The following WDR17 variants were observed in gnomAD, a reference collection of about 807,000 sequenced individuals.
The protein encoded by WDR17 is WD repeat domain 17, also known as WD repeat-containing protein 17.
WDR17 carries 143 observed loss-of-function variants against 161.7 expected under a neutral mutation model. The observed-to-expected ratio is 0.88, with a 90% CI of 0.77 to 1.02. WDR17 has a LOEUF of 1.02. WDR17 is among the 50% of genes least tolerant of loss of function. WDR17 has a pLI of 0.00. For synonymous variants in WDR17, 517 were observed against 515.6 expected (o/e 1.00, Z -0.04); for missense variants, 1,469 against 1,520.9 (o/e 0.97, Z 0.57).
rs536517604 is a variant in WDR17, at chr4:176,078,905, T to A, written c.-7+12826T>A. Among the ~76,000 whole-genome samples, 272 of 152,226 alleles carry A rather than the reference T, an allele frequency of 1.8e-3. 1 individual carries two copies. The highest frequency in any genetic ancestry group is 6.4e-3 in the African/African-American group (265 of 41,576). On this transcript the variant is annotated intron_variant, in intron 1 of 28. Coordinates refer to ENST00000508596, the MANE Select transcript of WDR17 (RefSeq NM_181265.4). ...CATTCAAAGTCCTCTCTCTGGCTAT[T>A]TGAAAATATATAATAAATTATCGTT...
rs1454335011 is a variant in WDR17 at position 176,162,061 on chromosome 4, T to G, written c.2751-14T>G. On this transcript the variant is annotated splice_polypyrimidine_tract_variant and intron_variant, in intron 20 of 28. Coordinates refer to ENST00000508596, the MANE Select transcript of WDR17 (RefSeq NM_181265.4). ...ACTTGTGTTTATATAGAATACACAT[T>G]TTTTTCTTTCTAGACTCCTGCACAA... The G allele has an allele frequency of 6.2e-7, 1 of 1,601,478 alleles. No individual in the cohort carries two copies. The highest frequency in any genetic ancestry group is 8.5e-7 in the Non-Finnish European group (1 of 1,175,166).
Position 176,181,543 on chromosome 4 carries a change from A to G in WDR17, c.*1964A>G, listed in dbSNP as rs1457434411. ...AACTCAGAGATGCAATGGATAATATAAAAAGAGTACCTGAGATGTATTTTT... is the reference window on the plus strand; with the variant it reads ...AACTCAGAGATGCAATGGATAATATGAAAAGAGTACCTGAGATGTATTTTT... On this transcript the variant is annotated 3_prime_UTR_variant, in exon 29 of 29. Coordinates refer to ENST00000508596, the MANE Select transcript of WDR17 (RefSeq NM_181265.4). 9.3e-6 allele frequency: 2 copies of G among 215,568 alleles called. No individual in the cohort carries two copies. The highest frequency in any genetic ancestry group is 5.8e-5 in the Admixed American group (1 of 17,390). The allele number at this position is 215,568 out of a possible 1,614,324, so 13.4% of individuals were successfully genotyped here. A position where few individuals can be genotyped will look rare whatever the true frequency, so the allele number is the denominator to read the frequency against.
At chr4:176,173,535 G>C (rs1328366996) in intron 25 of WDR17, among the ~76,000 whole-genome samples, 166 bp downstream of exon 25, 1 of 151,922 alleles carries the variant, frequency 6.6e-6, no homozygotes, top group African/African-American at 2.4e-5. Flanking sequence ...TCTTTGTTTT[G>C]AGATGAGGTC....
intron 2 of WDR17, 81 bp from the exon 3 acceptor site, chr4:176,115,715 A>G: frequency 9.1e-7 from 1 of 1,098,006 alleles, no homozygotes; most frequent in Non-Finnish European, 1.2e-6. Flanking sequence ...ATGTAGCTTT[A>G]GTTTTGTGTA....
In WDR17 at chr4:176,160,906, T is replaced by C; in HGVS notation, c.2659-5T>C. The C allele has an allele frequency of 6.3e-7, 1 of 1,587,328 alleles. No individual in the cohort carries two copies. Among genetic ancestry groups the C allele is most frequent in the Non-Finnish European group, 8.6e-7 (1 of 1,168,160 alleles). On this transcript the variant is annotated splice_region_variant and splice_polypyrimidine_tract_variant and intron_variant, in intron 19 of 28. Transcript: ENST00000508596. ...AGAATAATTCAACATTTAATTAAATTCTAGGCTGCTTGTGAAGGAAATATG... is the reference window on the plus strand; with the variant it reads ...AGAATAATTCAACATTTAATTAAATCCTAGGCTGCTTGTGAAGGAAATATG...
Position 176,119,849 on chromosome 4 carries a change from G to A in WDR17, c.308-18G>A, listed in dbSNP as rs201198003. On this transcript the variant is annotated intron_variant, in intron 3 of 28. Transcript: ENST00000508596. ...TATGCTGTATCTTTATTATGTATCT[G>A]TATTTAATGTATTCCAGGGATCCCT... 9.2e-5 allele frequency: 147 copies of A among 1,600,486 alleles called. No individual in the cohort carries two copies. The East Asian group carries it at 1.4e-3, about 15-fold the overall frequency.
At chr4:176,179,412 T>C in intron 28 of WDR17, 48 bp from the exon 29 acceptor site, 8 of 1,402,890 alleles carry the variant, frequency 5.7e-6, no homozygotes, top group South Asian at 1.9e-5. Flanking sequence ...AAAAATACTT[T>C]GCAAATTTAT....
chr4:176,158,064 G>A (rs72706350), intron 18 of WDR17, among the ~76,000 whole-genome samples: 38 of 152,308 alleles, frequency 2.5e-4, no homozygotes, highest in Non-Finnish European at 4.0e-4. Flanking sequence ...CCTTGTAAAC[G>A]TAGTAAGCTT....
intron 12 of WDR17, 131 bp from the exon 13 acceptor site, chr4:176,148,002 C>A: frequency 3.4e-6 from 2 of 588,910 alleles, no homozygotes; most frequent in Non-Finnish European, 5.5e-6. Flanking sequence ...ATGAAGAGAA[C>A]CTTATATCTT....
intron 1 of WDR17, among the ~76,000 whole-genome samples, chr4:176,086,049 C>G (rs1735376994): frequency 6.6e-6 from 1 of 151,846 alleles, no homozygotes; most frequent in South Asian, 2.1e-4. Context: ...TATTTCTTTT[C>G]TGATTCCAAG....
chr4:176,096,209 C>A lies in WDR17; in HGVS notation c.-6-15366C>A, dbSNP rs183758907. Among the ~76,000 whole-genome samples, 552 of 152,038 alleles carry A rather than the reference C, an allele frequency of 3.6e-3. 2 individuals are homozygous for A. Among genetic ancestry groups the A allele is most frequent in the African/African-American group, 0.013 (526 of 41,490 alleles). On this transcript the variant is annotated intron_variant, in intron 1 of 28. Transcript: ENST00000508596. ...ACTTTTAGAAATCATTGACCTGTTTCTTATAAAAGTTAAATCTAAGATTGT... is the reference window on the plus strand; with the variant it reads ...ACTTTTAGAAATCATTGACCTGTTTATTATAAAAGTTAAATCTAAGATTGT...
chr4:176,155,756 T>C (rs1037217818), intron 17 of WDR17, among the ~76,000 whole-genome samples: 6 of 144,590 alleles, frequency 4.1e-5, no homozygotes, highest in African/African-American at 1.5e-4. Context: ...GACATGAGGG[T>C]CTTGCTGTGT....
At chr4:176,096,374 T>C (rs1390698977) in intron 1 of WDR17, 4 of 472,714 alleles carry the variant, frequency 8.5e-6, no homozygotes, top group African/African-American at 8.1e-5. Flanking sequence ...GAAATATTTG[T>C]GCAGTTCTAG....
chr4:176,156,636 C>A (rs1416906057), intron 18 of WDR17, among the ~76,000 whole-genome samples: 1 of 147,520 alleles, frequency 6.8e-6, no homozygotes, highest in Non-Finnish European at 1.5e-5. Flanking sequence ...AATAACCCGA[C>A]AAGATTTTTT....
intron 4 of WDR17, among the ~76,000 whole-genome samples, chr4:176,124,846 T>C (rs562802941): frequency 3.3e-4 from 50 of 152,352 alleles, no homozygotes; most frequent in Middle Eastern, 3.4e-3. Context: ...ATTTTCTTAC[T>C]GCTTTTCGGT....
intron 22 of WDR17, 85 bp downstream of exon 22, chr4:176,163,378 C>T: frequency 3.5e-6 from 5 of 1,410,208 alleles, no homozygotes; most frequent in Non-Finnish European, 4.8e-6. Flanking sequence ...ATAAGATATG[C>T]ATTGGGAGAA....
At chr4:176,104,975 C>T (rs1738462455) in intron 1 of WDR17, among the ~76,000 whole-genome samples, 1 of 151,380 alleles carries the variant, frequency 6.6e-6, no homozygotes, top group East Asian at 1.9e-4. Flanking sequence ...ATCTGTATGC[C>T]GTCTACAGTT....
At position 176,115,968 on chromosome 4, in the gene WDR17, A is replaced by G. The variant is rs1740558360; in HGVS notation, c.296A>G (p.Asp99Gly). Residue 99 changes from aspartate to glycine, a missense_variant, in exon 3 of 29, where the codon GAC becomes GGC. Transcript: ENST00000508596. Reference protein sequence around the residue: ...VAEQKVIAKLDSTKGIPASLS... With the variant: ...VAEQKVIAKLGSTKGIPASLS... The stretch of plus-strand genomic sequence containing the variant: ...GAACAAAAAGTCATTGCTAAACTCG[A>G]CAGTACAAAAGGTATAATTACAACT... The G allele has an allele frequency of 6.2e-7, 1 of 1,604,996 alleles. No individual in the cohort carries two copies.
intron 18 of WDR17, among the ~76,000 whole-genome samples, chr4:176,156,706 T>G (rs1189271911): frequency 8.0e-5 from 12 of 150,894 alleles, no homozygotes; most frequent in Non-Finnish European, 1.6e-4. Context: ...TACCATAAAA[T>G]GGGTGGCCTA....
Sources: allele counts gnomAD v4.1 joint callset (sites outside exome capture counted in the v4.1 genomes callset), GRCh38; gene constraint gnomAD v4.1.1; transcripts MANE v1.5; gene names NCBI Gene and HGNC (gene_info 2026-07-23, HGNC 2026-07-21).